The following THSD4 variants were observed in gnomAD, a reference collection of about 807,000 sequenced individuals.
THSD4 encodes the protein thrombospondin type-1 domain-containing protein 4.
Under a neutral mutation model 119.0 loss-of-function variants are expected in THSD4, and 69 were observed. That is an observed-to-expected ratio of 0.58 (90% CI 0.48 to 0.71). THSD4 has a LOEUF of 0.71. Among genes scored for constraint, THSD4 ranks in the 30% least tolerant of loss-of-function variants. THSD4 has a pLI of 0.00. For missense variants in THSD4, 1,393 were observed against 1,391.1 expected (o/e 1.00, Z -0.02); for synonymous variants, 524 against 540.4 (o/e 0.97, Z 0.42).
At chr15:71,461,738 A>C (rs1390193454) in intron 7 of THSD4, among the ~76,000 whole-genome samples, 1 of 152,042 alleles carries the variant, frequency 6.6e-6, no homozygotes, top group Admixed American at 6.5e-5. Flanking sequence ...TTTTGATCAT[A>C]ATTTCCAAGT....
At chr15:71,491,884 G>T (rs1422358549) in intron 7 of THSD4, among the ~76,000 whole-genome samples, 1 of 151,968 alleles carries the variant, frequency 6.6e-6, no homozygotes, top group African/African-American at 2.4e-5. Flanking sequence ...AGAAAAAAAA[G>T]AAAAGAAATA....
chr15:71,343,076 CAA>C (rs2045604258), intron 6 of THSD4, among the ~76,000 whole-genome samples: 1 of 152,302 alleles, frequency 6.6e-6, no homozygotes, highest in East Asian at 1.9e-4. Context: ...TCTGGACAAA[CAA>C]AGTCCACCCC....
intron 8 of THSD4, among the ~76,000 whole-genome samples, chr15:71,716,946 G>A (rs116005966): frequency 0.02 from 3,056 of 152,318 alleles, 101 homozygotes; most frequent in African/African-American, 0.07. Flanking sequence ...AGATGACCAA[G>A]AGCCATAAAA....
chr15:71,430,216 A>C (rs1044159923), intron 7 of THSD4, among the ~76,000 whole-genome samples: 21 of 152,192 alleles, frequency 1.4e-4, no homozygotes, highest in African/African-American at 5.1e-4. Flanking sequence ...AAAAACAATG[A>C]ACAGGGCTAG....
intron 6 of THSD4, among the ~76,000 whole-genome samples, chr15:71,271,710 T>C (rs776279479): frequency 6.6e-6 from 1 of 152,256 alleles, no homozygotes; most frequent in Admixed American, 6.5e-5. Flanking sequence ...TCTCTCACTC[T>C]GTCTCTCCAA....
chr15:71,689,985 C>G (rs181762627), intron 8 of THSD4, among the ~76,000 whole-genome samples: 2 of 152,162 alleles, frequency 1.3e-5, no homozygotes, highest in Non-Finnish European at 2.9e-5. Flanking sequence ...CAAAATATGC[C>G]GCTTCAAACT....
intron 11 of THSD4, among the ~76,000 whole-genome samples, chr15:71,742,563 A>G (rs1407208126): frequency 2.0e-5 from 3 of 152,136 alleles, no homozygotes; most frequent in Non-Finnish European, 4.4e-5. Context: ...AGGCAACCGA[A>G]CTGATCTCGA....
rs577139840 is a variant in THSD4 at position 71,471,912 on chromosome 15, T to G, written c.1152+60089T>G. On this transcript the variant is annotated intron_variant, in intron 7 of 17. Coordinates refer to ENST00000261862, the MANE Select transcript of THSD4 (RefSeq NM_024817.3). Reference sequence around the variant, plus strand: ...TCCAACCATGTGAGCTTAAGTACATTGGTGTTTTTGTTTTTGTTCTGAGAG... The same window carrying G: ...TCCAACCATGTGAGCTTAAGTACATGGGTGTTTTTGTTTTTGTTCTGAGAG... Among the ~76,000 whole-genome samples, 18 of 152,052 alleles carry G rather than the reference T, an allele frequency of 1.2e-4. No individual in the cohort carries two copies. The East Asian group carries it at 2.7e-3, about 23-fold the overall frequency.
chr15:71,605,745 G>A (rs118055839), intron 7 of THSD4, among the ~76,000 whole-genome samples: 130 of 152,362 alleles, frequency 8.5e-4, no homozygotes, highest in Non-Finnish European at 1.3e-3. Flanking sequence ...GAGTGTAAAA[G>A]TCTGAGGTTT....
At chr15:71,281,688 G>A (rs1001769129) in intron 6 of THSD4, among the ~76,000 whole-genome samples, 4 of 152,182 alleles carry the variant, frequency 2.6e-5, no homozygotes, top group Admixed American at 6.5e-5. Flanking sequence ...TATGTATTGT[G>A]TTAAGTGGGA....
At chr15:71,315,268 C>G (rs2140354376) in intron 6 of THSD4, among the ~76,000 whole-genome samples, 1 of 150,874 alleles carries the variant, frequency 6.6e-6, no homozygotes, top group East Asian at 1.9e-4. Context: ...AACTGGTGAC[C>G]ATCCCTGCCT....
intron 6 of THSD4, among the ~76,000 whole-genome samples, chr15:71,318,067 G>T (rs144969885): frequency 6.6e-6 from 1 of 152,082 alleles, no homozygotes; most frequent in East Asian, 1.9e-4. Context: ...AGTGGCTTTT[G>T]GGGGGCAGTA....
At chr15:71,151,473 G>T (rs2040721951) in intron 2 of THSD4, among the ~76,000 whole-genome samples, 1 of 151,896 alleles carries the variant, frequency 6.6e-6, no homozygotes, top group African/African-American at 2.4e-5. Flanking sequence ...ACATTTTTAG[G>T]CCTGGGTGCA....
At chr15:71,512,824 G>A (rs773883101) in intron 7 of THSD4, among the ~76,000 whole-genome samples, 2 of 152,054 alleles carry the variant, frequency 1.3e-5, no homozygotes, top group African/African-American at 4.8e-5. Flanking sequence ...ACATCCATAC[G>A]AGAGTAGGGC....
rs545824238 is a variant in THSD4, at chr15:71,323,598, A to T, written c.1015+66883A>T. Among the ~76,000 whole-genome samples the T allele has an allele frequency of 5.4e-3, 827 of 152,302 alleles. 4 individuals carry two copies. The highest frequency in any genetic ancestry group is 9.1e-3 in the Non-Finnish European group (616 of 68,024). On this transcript the variant is annotated intron_variant, in intron 6 of 17. Coordinates refer to ENST00000261862, the MANE Select transcript of THSD4 (RefSeq NM_024817.3). Reference sequence around the variant, plus strand: ...GTGGGTGCCAGAGCAGATCCTTATCATTAACTTGAGTGGGTGTCCCGAGGT... The same window carrying T: ...GTGGGTGCCAGAGCAGATCCTTATCTTTAACTTGAGTGGGTGTCCCGAGGT...
chr15:71,518,558 T>C (rs1363524497), intron 7 of THSD4, among the ~76,000 whole-genome samples: 4 of 152,154 alleles, frequency 2.6e-5, no homozygotes, highest in African/African-American at 9.7e-5. Flanking sequence ...TGGATAATAA[T>C]AACTATAATG....
At chr15:71,610,007 A>G (rs867207003) in intron 7 of THSD4, among the ~76,000 whole-genome samples, 1 of 152,194 alleles carries the variant, frequency 6.6e-6, no homozygotes, top group African/African-American at 2.4e-5. Flanking sequence ...GCGGCCTGGC[A>G]TGGAATCCGA....
chr15:71,720,298 A>G (rs537699563), intron 8 of THSD4, among the ~76,000 whole-genome samples: 1 of 149,416 alleles, frequency 6.7e-6, no homozygotes, highest in East Asian at 2.0e-4. Context: ...GGATCCGCCC[A>G]CCTAGGCCTC....
chr15:71,388,777 T>A (rs1379687818), intron 6 of THSD4, among the ~76,000 whole-genome samples: 1 of 151,656 alleles, frequency 6.6e-6, no homozygotes, highest in African/African-American at 2.4e-5. Flanking sequence ...TATGATAAAA[T>A]ATATATATAT....
Sources: gnomAD v4.1 joint callset for allele counts (sites outside exome capture counted in the v4.1 genomes callset) on GRCh38, gnomAD v4.1.1 for gene constraint, MANE v1.5 for transcripts, NCBI Gene and HGNC (gene_info 2026-07-23, HGNC 2026-07-21) for gene names.